The following HEYL variants were observed in gnomAD, a reference collection of about 807,000 sequenced individuals.
The protein encoded by HEYL is hes related family bHLH transcription factor with YRPW motif like.
HEYL carries 12 observed loss-of-function variants against 18.6 expected under a neutral mutation model. The ratio of observed to expected loss-of-function variants is 0.65; its 90% CI spans 0.41 to 1.05. The LOEUF is 1.05. HEYL is among the 50% of genes least tolerant of loss of function. The pLI is 0.00. For synonymous variants in HEYL, 159 were observed against 179.6 expected (o/e 0.89, Z 0.91); for missense variants, 420 against 444.7 (o/e 0.94, Z 0.50).
At position 39,631,481 on chromosome 1, in the gene HEYL, A is replaced by G. The variant is rs932389013; in HGVS notation, c.231+15T>C. 2 of 1,611,824 alleles carry G rather than the reference A, an allele frequency of 1.2e-6. No individual in the cohort carries two copies. Among genetic ancestry groups the G allele is most frequent in the African/African-American group, 2.7e-5 (2 of 74,904 alleles). ...ACACAGTATTTCCTCTAGCACAATC[A>G]GCAATGTCACATACCTGTTTCTCAA... On this transcript the variant is annotated intron_variant, in intron 3 of 4. Coordinates refer to ENST00000372852, the MANE Select transcript of HEYL (RefSeq NM_014571.4).
At chr1:39,632,429 C>T (rs1646338655) in intron 2 of HEYL, among the ~76,000 whole-genome samples, 2 of 152,214 alleles carry the variant, frequency 1.3e-5, no homozygotes, top group African/African-American at 2.4e-5. Flanking sequence ...TTGAGGTGGG[C>T]CCTCTCATTA....
At chr1:39,636,407 C>T in intron 1 of HEYL, among the ~76,000 whole-genome samples, 1 of 152,162 alleles carries the variant, frequency 6.6e-6, no homozygotes, top group Non-Finnish European at 1.5e-5. Flanking sequence ...ACTGGGACTA[C>T]AGGCACGTGT....
At chr1:39,633,214 G>A (rs1646344790) in intron 1 of HEYL, 1 of 644,160 alleles carries the variant, frequency 1.6e-6, no homozygotes, top group Non-Finnish European at 1.9e-6. Context: ...GCGGCCGGGG[G>A]CGAAGGGGAG....
At chr1:39,636,736 T>C (rs1414012193) in intron 1 of HEYL, among the ~76,000 whole-genome samples, 1 of 152,188 alleles carries the variant, frequency 6.6e-6, no homozygotes, top group Non-Finnish European at 1.5e-5. Context: ...CCATTTCACA[T>C]TTAGGAAAAA....
At chr1:39,631,725 C>T in intron 2 of HEYL, 146 bp from the exon 3 acceptor site, 1 of 679,758 alleles carries the variant, frequency 1.5e-6, no homozygotes, top group East Asian at 2.7e-5. Context: ...AAAACCAAGG[C>T]CCAGAGAAGG....
At chr1:39,628,017 T>C (rs1045495937) in intron 4 of HEYL, among the ~76,000 whole-genome samples, 5 of 152,166 alleles carry the variant, frequency 3.3e-5, no homozygotes, top group African/African-American at 1.2e-4. Context: ...TGTACAAATA[T>C]TCACATCCTC....
intron 1 of HEYL, among the ~76,000 whole-genome samples, chr1:39,635,465 C>A (rs1360431148): frequency 6.6e-6 from 1 of 152,250 alleles, no homozygotes; most frequent in Non-Finnish European, 1.5e-5. Context: ...CATTTCAGGG[C>A]AAAGCAGTGC....
chr1:39,626,456 CT>C lies in HEYL; in HGVS notation c.*50del. ...AAAGGCAGTGCCCTTTTTTGGGCTC[CT>C]GGTAAAAGAACCTTCCTTATTCCTT... On this transcript the variant is annotated 3_prime_UTR_variant, in exon 5 of 5. Transcript: ENST00000372852. 7.0e-7 allele frequency: 1 copy of C among 1,430,618 alleles called. No homozygotes were observed. The allele number at this position is 1,430,618 out of a possible 1,614,324, so 88.6% of individuals were successfully genotyped here.
At position 39,626,564 on chromosome 1, in the gene HEYL, C is replaced by T. The variant is rs962197511; in HGVS notation, c.930G>A (p.Ala310=). ...CCCAGGAGTGGTAGAGCATGGCTCC[C>T]GCTGGCCTCCCAGCTGGCCCTGGGG... ...SSSPGPAGRP[A]GAMLYHSWVS... is the part of the protein sequence containing the mutation. The change falls in exon 5 of 5, where the codon GCG becomes GCA. Residue 310 remains alanine (A), a synonymous_variant. Transcript: ENST00000372852. 54 of 1,549,978 alleles carry T rather than the reference C, an allele frequency of 3.5e-5. No individual in the cohort carries two copies. The highest frequency in any genetic ancestry group is 4.9e-5 in the East Asian group (2 of 41,138).
At chr1:39,633,205 C>T (rs1646344751) in intron 1 of HEYL, 4 of 731,506 alleles carry the variant, frequency 5.5e-6, no homozygotes, top group Non-Finnish European at 6.7e-6. Context: ...CCACGCGGTG[C>T]GGCCGGGGGC....
intron 1 of HEYL, chr1:39,633,077 G>A: frequency 1.0e-6 from 1 of 982,590 alleles, no homozygotes; most frequent in African/African-American, 1.7e-5. Flanking sequence ...GGCCGGGCGG[G>A]TTGGGTTTCA....
chr1:39,639,564 C>A lies in HEYL; in HGVS notation c.62G>T (p.Gly21Val). The change falls in exon 1 of 5, where the codon GGC becomes GTC. Residue 21 changes from glycine (G) to valine (V), a missense_variant. Transcript: ENST00000372852. Reference protein sequence around the residue: ...DGESDGPIDVGQEGQLSQMAR... With the variant: ...DGESDGPIDVVQEGQLSQMAR... ...CCCTTACCTCAGCTGGCCCTCTTGG[C>A]CCACGTCGATGGGTCCGTCGGACTC... 6.3e-7 allele frequency: 1 copy of A among 1,584,382 alleles called. No individual in the cohort carries two copies. Among genetic ancestry groups the A allele is most frequent in the East Asian group, 2.4e-5 (1 of 41,352 alleles).
chr1:39,630,502 G>C (rs1344684835), intron 3 of HEYL, among the ~76,000 whole-genome samples, 194 bp from the exon 4 acceptor site: 2 of 152,184 alleles, frequency 1.3e-5, no homozygotes, highest in African/African-American at 4.8e-5. Context: ...TCTGTCCACT[G>C]TACAGCTGCC....
intron 4 of HEYL, among the ~76,000 whole-genome samples, chr1:39,628,896 C>G (rs1404093647): frequency 2.4e-5 from 3 of 124,776 alleles, no homozygotes; most frequent in African/African-American, 1.1e-4. Flanking sequence ...GCCACCGCGC[C>G]CGGCCCGCTG....
chr1:39,638,728 T>TACCTAGGCATGTGCTGTGC (rs1646372219), intron 1 of HEYL, among the ~76,000 whole-genome samples: 1 of 152,212 alleles, frequency 6.6e-6, no homozygotes, highest in Non-Finnish European at 1.5e-5. Context: ...ACATGGTGTG[T>TACCTAGGCATGTGCTGTGC]ACCTAGGCAT....
intron 2 of HEYL, among the ~76,000 whole-genome samples, chr1:39,632,423 G>A (rs905773972): frequency 4.6e-5 from 7 of 152,248 alleles, no homozygotes; most frequent in African/African-American, 1.2e-4. Flanking sequence ...AGCCCTTTGA[G>A]GTGGGCCCTC....
At chr1:39,633,005 T>G in intron 1 of HEYL, 7 of 974,312 alleles carry the variant, frequency 7.2e-6, no homozygotes, top group Non-Finnish European at 8.5e-6. Context: ...TGGCTCCGGC[T>G]CCTGCAACCC....
In HEYL at chr1:39,625,267, G is replaced by T. The variant is rs986091098; in HGVS notation, c.*1240C>A. 6.6e-6 allele frequency: 1 copy of T among 152,244 alleles called. No individual in the cohort carries two copies. Among genetic ancestry groups the T allele is most frequent in the African/African-American group, 2.4e-5 (1 of 41,442 alleles). The allele number at this position is 152,244 out of a possible 1,614,324, so 9.4% of individuals were successfully genotyped here. ...CTGGTCCCACTGGGTGTCAGTCCAG[G>T]CTCCGCTGTTCTGCTGGGAACGACT... On this transcript the variant is annotated 3_prime_UTR_variant, in exon 5 of 5. Coordinates refer to ENST00000372852, the MANE Select transcript of HEYL (RefSeq NM_014571.4).
rs538357393 is a variant in HEYL at position 39,632,940 on chromosome 1, T to C, written c.81-225A>G. 2.8e-4 allele frequency: 272 copies of C among 984,588 alleles called. 1 individual carries two copies. The African/African-American group carries it at 4.4e-3, about 16-fold the overall frequency. 61.0% of individuals were successfully genotyped at this position (984,588 alleles called of 1,614,324 possible). A position where few individuals can be genotyped will look rare whatever the true frequency, so the allele number is the denominator to read the frequency against. On this transcript the variant is annotated intron_variant, in intron 1 of 4. Transcript: ENST00000372852. ...CTCGGCCTCGCCCTTCGCCCCTCGC[T>C]CCTCGCTCCTCGCCCCTCGCGGCGG...
Sources: gnomAD v4.1 joint callset for allele counts (sites outside exome capture counted in the v4.1 genomes callset) on GRCh38, gnomAD v4.1.1 for gene constraint, MANE v1.5 for transcripts, NCBI Gene and HGNC (gene_info 2026-07-23, HGNC 2026-07-21) for gene names.